Variants in BCR observed in about 807,000 individuals in gnomAD.
BCR encodes the protein breakpoint cluster region protein.
A neutral mutation model predicts 138.6 loss-of-function variants in BCR; 58 were observed. The observed-to-expected ratio is 0.42, with a 90% CI of 0.34 to 0.52. The LOEUF is 0.52. Among genes scored for constraint, BCR ranks in the 20% least tolerant of loss-of-function variants. The pLI, the probability that BCR is intolerant of heterozygous loss-of-function variation, is 0.06. For missense variants in BCR, 1,599 were observed against 1,727.2 expected, an observed-to-expected ratio of 0.93 and a Z score of 1.32; for synonymous variants, 786 against 730.1, an observed-to-expected ratio of 1.08 and a Z score of -1.23.
chr22:23,226,761 G>T (rs79354239), intron 1 of BCR, among the ~76,000 whole-genome samples: 1 of 152,216 alleles, frequency 6.6e-6, no homozygotes, highest in African/African-American at 2.4e-5. Context: ...TCATTAGCTG[G>T]CTCTTTCCAG....
At position 23,181,160 on chromosome 22, in the gene BCR, A is replaced by G. The variant is rs2072248144; in HGVS notation, c.200A>G (p.Lys67Arg). 4 of 1,442,508 alleles carry G rather than the reference A, an allele frequency of 2.8e-6. No homozygotes were observed. Among genetic ancestry groups the G allele is most frequent in the South Asian group, 2.7e-5 (2 of 72,742 alleles). 89.4% of individuals were successfully genotyped at this position (1,442,508 alleles called of 1,614,324 possible). A position where few individuals can be genotyped will look rare whatever the true frequency, so the allele number is the denominator to read the frequency against. ...CTGCAGACGTTGCTGGCCAAGGAAAAGAAGAGCTATGACCGGCAGCGATGG... is the reference window on the plus strand; with the variant it reads ...CTGCAGACGTTGCTGGCCAAGGAAAGGAAGAGCTATGACCGGCAGCGATGG... Reference protein sequence around the residue: ...IYLQTLLAKEKKSYDRQRWGF... With the variant: ...IYLQTLLAKERKSYDRQRWGF... The change falls in exon 1 of 23, where the codon AAG becomes AGG. Residue 67 changes from lysine (K) to arginine (R), a missense_variant. Physicochemically the swap from Lys to Arg is conservative, Grantham distance 26. Around this residue, in one of 4 missense-constraint regions of BCR, gnomAD observed 806 missense variants for 635.0 expected, o/e 1.27. Coordinates refer to ENST00000305877, the MANE Select transcript of BCR (RefSeq NM_004327.4).
chr22:23,230,024 TAGAG>T (rs1333030629), intron 1 of BCR, among the ~76,000 whole-genome samples: 5 of 150,844 alleles, frequency 3.3e-5, no homozygotes, highest in African/African-American at 9.8e-5. Context: ...GGCTTTTGGT[TAGAG>T]AGAGCAAGCT....
At chr22:23,307,122 C>G (rs1351351179) in intron 16 of BCR, among the ~76,000 whole-genome samples, 3 of 152,198 alleles carry the variant, frequency 2.0e-5, no homozygotes, top group Non-Finnish European at 4.4e-5. Context: ...GAGCCAGGGT[C>G]TCTCGCTTTG....
chr22:23,287,387 A>G, intron 11 of BCR, 109 bp downstream of exon 11: 2 of 1,417,580 alleles, frequency 1.4e-6, no homozygotes, highest in South Asian at 1.5e-5. Context: ...TGAGAGAGGC[A>G]TGTCCGGCAT....
rs2073739455 is a variant in BCR, at chr22:23,288,129, G to A, written c.2559G>A (p.Glu853=). 2 of 1,614,074 alleles carry A rather than the reference G, an allele frequency of 1.2e-6. No individual in the cohort carries two copies. The highest frequency in any genetic ancestry group is 2.2e-5 in the East Asian group (1 of 44,880). ...CGTTCCTGATCTCCTCTGACTATGA[G>A]CGTGCAGAGTGGAGGGAGAACATCC... The part of the protein sequence containing the change: ...SYTFLISSDY[E]RAEWRENIRE... The change falls in exon 12 of 23, where the codon GAG becomes GAA. Residue 853 remains glutamate (E), a synonymous_variant. Transcript: ENST00000305877.
intron 15 of BCR, among the ~76,000 whole-genome samples, chr22:23,293,669 A>G (rs1047415709): frequency 6.6e-6 from 1 of 152,080 alleles, no homozygotes; most frequent in Non-Finnish European, 1.5e-5. Context: ...CAAAAGGTTC[A>G]GGTGCCAGGC....
chr22:23,260,147 G>C (rs1199010932), intron 2 of BCR, among the ~76,000 whole-genome samples: 1 of 152,184 alleles, frequency 6.6e-6, no homozygotes, highest in Non-Finnish European at 1.5e-5. Flanking sequence ...AGGACTAGAA[G>C]GTGGCCTCCC....
At chr22:23,221,276 C>A (rs2072821483) in intron 1 of BCR, among the ~76,000 whole-genome samples, 1 of 152,160 alleles carries the variant, frequency 6.6e-6, no homozygotes. Context: ...GGTTGAGACT[C>A]CCTAGGGAGA....
chr22:23,310,009 C>T (rs1013782765), intron 17 of BCR: 54 of 416,566 alleles, frequency 1.3e-4, no homozygotes, highest in Non-Finnish European at 2.0e-4. Context: ...AGGAGAATCA[C>T]TGGAACCCAA....
At chr22:23,243,620 T>G (rs2073122857) in intron 1 of BCR, among the ~76,000 whole-genome samples, 1 of 151,902 alleles carries the variant, frequency 6.6e-6, no homozygotes, top group Non-Finnish European at 1.5e-5. Flanking sequence ...GTAAAAGGTT[T>G]TCCCGAATTC....
chr22:23,285,847 G>A (rs532096064), intron 10 of BCR, among the ~76,000 whole-genome samples: 5 of 152,218 alleles, frequency 3.3e-5, no homozygotes, highest in African/African-American at 4.8e-5. Context: ...ATTTATAAGG[G>A]AACAGGGTGT....
At chr22:23,258,297 A>C (rs2073318837) in intron 2 of BCR, among the ~76,000 whole-genome samples, 1 of 152,150 alleles carries the variant, frequency 6.6e-6, no homozygotes, top group African/African-American at 2.4e-5. Context: ...TGGGCAAGTG[A>C]GGATGTGTGG....
chr22:23,289,260 A>G (rs1220910791), intron 12 of BCR, among the ~76,000 whole-genome samples: 2 of 152,192 alleles, frequency 1.3e-5, no homozygotes, highest in Non-Finnish European at 1.5e-5. Context: ...GGCTGTGCTT[A>G]GGTAGCGTGG....
At chr22:23,191,426 C>G (rs2072412799) in intron 1 of BCR, among the ~76,000 whole-genome samples, 1 of 151,526 alleles carries the variant, frequency 6.6e-6, no homozygotes. Context: ...TATGGAAAGG[C>G]TGATCTCCAA....
At chr22:23,240,677 A>G (rs1384294556) in intron 1 of BCR, among the ~76,000 whole-genome samples, 1 of 152,122 alleles carries the variant, frequency 6.6e-6, no homozygotes, top group Admixed American at 6.5e-5. Flanking sequence ...AAAAAGAAAA[A>G]AAGAAAATAT....
At chr22:23,314,256 T>G (rs1338282782) in intron 21 of BCR, among the ~76,000 whole-genome samples, 183 bp downstream of exon 21, 1 of 152,036 alleles carries the variant, frequency 6.6e-6, no homozygotes, top group Non-Finnish European at 1.5e-5. Flanking sequence ...TTTGCCACCC[T>G]CCTCTCTCTG....
rs144766043 is a variant in BCR at position 23,257,321 on chromosome 22, T to C, written c.1461+3341T>C. 4.7e-3 allele frequency among the ~76,000 whole-genome samples: 723 copies of C among 152,326 alleles called. 4 individuals carry two copies. Among genetic ancestry groups the C allele is most frequent in the Non-Finnish European group, 6.7e-3 (458 of 68,026 alleles). On this transcript the variant is annotated intron_variant, in intron 2 of 22. Transcript: ENST00000305877. ...TCAGAACACGGAGGGAGAGCCAGATTCTGCCTTCCTGCCTGTGCTGTTTTT... is the reference window on the plus strand; with the variant it reads ...TCAGAACACGGAGGGAGAGCCAGATCCTGCCTTCCTGCCTGTGCTGTTTTT...
rs777203588 is a variant in BCR at position 23,253,927 on chromosome 22, G to C, written c.1408G>C (p.Gly470Arg). ...CTCATCGCCCCACCTCAGCAGCAAG[G>C]GCAGGGGCAGCCGGGATGCGCTGGT... Reference protein sequence around the residue: ...PSSSPHLSSKGRGSRDALVSG... With the variant: ...PSSSPHLSSKRRGSRDALVSG... The change falls in exon 2 of 23, where the codon GGC becomes CGC. Residue 470 changes from glycine (G) to arginine (R), a missense_variant. Gly to Arg is a moderately radical substitution (Grantham distance 125). Coordinates refer to ENST00000305877, the MANE Select transcript of BCR (RefSeq NM_004327.4). The C allele has an allele frequency of 1.2e-6, 2 of 1,613,168 alleles. No individual in the cohort carries two copies. The highest frequency in any genetic ancestry group is 2.2e-5 in the South Asian group (2 of 91,042).
At chr22:23,270,349 G>T (rs1193699330) in intron 5 of BCR, among the ~76,000 whole-genome samples, 1 of 152,150 alleles carries the variant, frequency 6.6e-6, no homozygotes, top group Non-Finnish European at 1.5e-5. Flanking sequence ...AGGCCAGTTT[G>T]GGAAATGCAG....
Sources: allele counts gnomAD v4.1 joint callset (sites outside exome capture counted in the v4.1 genomes callset), GRCh38; gene constraint gnomAD v4.1.1; regional missense constraint gnomAD v4.1.1; transcripts MANE v1.5; gene names NCBI Gene and HGNC (gene_info 2026-07-23, HGNC 2026-07-21).